Variants in PCNX2 observed in about 807,000 individuals in gnomAD.
PCNX2 encodes the protein pecanex-like protein 2.
In PCNX2, 168 loss-of-function variants were observed where a neutral mutation model predicts 223.8. The ratio of observed to expected loss-of-function variants is 0.75; its 90% CI spans 0.66 to 0.85. The LOEUF (loss-of-function observed/expected upper bound fraction) is 0.85, where lower values mean the gene tolerates loss of function less well. Ranked by LOEUF, PCNX2 falls within the 40% of genes least tolerant of loss-of-function variation. The probability of loss-of-function intolerance (pLI) is 0.00; values close to 1 mark genes in which losing one functional copy is unlikely to be tolerated. For synonymous variants in PCNX2, 1,006 were observed against 1,052.6 expected, an observed-to-expected ratio of 0.96 and a Z score of 0.86; for missense variants, 2,507 against 2,675.5, an observed-to-expected ratio of 0.94 and a Z score of 1.39.
At chr1:233,289,397 G>C in intron 1 of PCNX2, 1 of 1,399,360 alleles carries the variant, frequency 7.1e-7, no homozygotes, top group Non-Finnish European at 1.0e-6. Flanking sequence ...ACTCGAACTC[G>C]TCCGGCTTCT....
At chr1:233,251,496 A>C (rs995840868) in intron 7 of PCNX2, among the ~76,000 whole-genome samples, 1 of 152,154 alleles carries the variant, frequency 6.6e-6, no homozygotes, top group Non-Finnish European at 1.5e-5. Flanking sequence ...AGCATAATTA[A>C]CCTTGTCTGT....
intron 32 of PCNX2, 62 bp downstream of exon 32, chr1:232,998,189 G>A: frequency 1.4e-6 from 2 of 1,409,294 alleles, no homozygotes. Flanking sequence ...ATAACTCAGG[G>A]CATTGGTCAC....
chr1:233,069,998 G>A (rs72762094), intron 23 of PCNX2, among the ~76,000 whole-genome samples: 6,788 of 152,024 alleles, frequency 0.045, 216 homozygotes, highest in Non-Finnish European at 0.066. Flanking sequence ...AAAGAAAAGG[G>A]GAGAGAAAAC....
chr1:233,061,579 T>A lies in PCNX2; in HGVS notation c.4077-4289A>T, dbSNP rs79023280. Among the ~76,000 whole-genome samples, 6 of 152,266 alleles carry A rather than the reference T, an allele frequency of 3.9e-5. No individual in the cohort carries two copies. In the East Asian group the frequency reaches 1.2e-3, roughly 29 times the overall value. On this transcript the variant is annotated intron_variant, in intron 23 of 33. Coordinates refer to ENST00000258229, the MANE Select transcript of PCNX2 (RefSeq NM_014801.4). ...ACAGCTCAGTTTGGCTGTTTCTTTT[T>A]TCAGGTTTGGCAGATGGTCTTGAAT...
chr1:233,153,373 G>A (rs1211955425), intron 19 of PCNX2, among the ~76,000 whole-genome samples: 3 of 152,170 alleles, frequency 2.0e-5, no homozygotes, highest in Non-Finnish European at 2.9e-5. Flanking sequence ...TGACAGATTC[G>A]TCTGTGTGGA....
At chr1:233,136,143 C>T (rs574084784) in intron 20 of PCNX2, among the ~76,000 whole-genome samples, 82 of 152,324 alleles carry the variant, frequency 5.4e-4, no homozygotes, top group African/African-American at 1.9e-3. Context: ...TGAAGACAGA[C>T]ACTGCACATT....
Position 233,210,568 on chromosome 1 carries a change from T to G in PCNX2, c.2692-1879A>C, listed in dbSNP as rs998119513. 31 of 984,890 alleles carry G rather than the reference T, an allele frequency of 3.1e-5. No homozygotes were observed. In the African/African-American group the frequency reaches 5.2e-4, roughly 17 times the overall value. The allele number at this position is 984,890 out of a possible 1,614,324, so 61.0% of individuals were successfully genotyped here. A position where few individuals can be genotyped will look rare whatever the true frequency, so the allele number is the denominator to read the frequency against. ...TGCTGGGATAACAGTTGTGAGCCAC[T>G]GTGCCTGGCCACTACTTCTGTTTGC... On this transcript the variant is annotated intron_variant, in intron 12 of 33. Coordinates refer to ENST00000258229, the MANE Select transcript of PCNX2 (RefSeq NM_014801.4).
intron 17 of PCNX2, among the ~76,000 whole-genome samples, chr1:233,169,244 T>C (rs1301032675): frequency 6.6e-6 from 1 of 152,130 alleles, no homozygotes; most frequent in Non-Finnish European, 1.5e-5. Flanking sequence ...TGTGTGTGTG[T>C]TATTTATTTT....
chr1:233,223,305 G>GT (rs1657503575), intron 10 of PCNX2, among the ~76,000 whole-genome samples: 9 of 152,158 alleles, frequency 5.9e-5, no homozygotes, highest in Non-Finnish European at 1.3e-4. Flanking sequence ...GAGTTTTGAG[G>GT]TTGGGGGAGC....
chr1:233,197,314 T>A lies in PCNX2; in HGVS notation c.3066+1625A>T, dbSNP rs912930816. ...TCCAGAACACAACAGAGCAATATAC[T>A]AAGGTGCCTGCAGAAAAACACCTGT... On this transcript the variant is annotated intron_variant, in intron 15 of 33. Coordinates refer to ENST00000258229, the MANE Select transcript of PCNX2 (RefSeq NM_014801.4). Among the ~76,000 whole-genome samples, 74 of 152,130 alleles carry A rather than the reference T, an allele frequency of 4.9e-4. 2 individuals carry two copies. Among genetic ancestry groups the A allele is most frequent in the South Asian group, 2.1e-4 (1 of 4,828 alleles).
At chr1:233,249,063 G>C (rs143105639) in intron 8 of PCNX2, among the ~76,000 whole-genome samples, 2,042 of 152,316 alleles carry the variant, frequency 0.013, 24 homozygotes, top group South Asian at 0.031. Flanking sequence ...GGTCATGCTA[G>C]AAGAGGCAGA....
chr1:233,151,344 G>A (rs996454283), intron 19 of PCNX2, among the ~76,000 whole-genome samples: 22 of 152,154 alleles, frequency 1.4e-4, no homozygotes, highest in African/African-American at 5.1e-4. Flanking sequence ...TGGCCACACC[G>A]ACTGCAGCTG....
At chr1:233,074,410 C>T (rs866055513) in intron 23 of PCNX2, among the ~76,000 whole-genome samples, 21 of 151,614 alleles carry the variant, frequency 1.4e-4, no homozygotes, top group South Asian at 2.1e-4. Context: ...CCGGCTAAAA[C>T]GGTGAAACCC....
chr1:233,032,913 C>T (rs1671319599), intron 25 of PCNX2: 1 of 881,718 alleles, frequency 1.1e-6, no homozygotes, highest in African/African-American at 1.8e-5. Context: ...CACTCAGGAT[C>T]ATATTAAAAA....
At position 233,054,514 on chromosome 1, in the gene PCNX2, A is replaced by T. The variant is rs529468930; in HGVS notation, c.4136-31T>A. On this transcript the variant is annotated intron_variant, in intron 24 of 33. Coordinates refer to ENST00000258229, the MANE Select transcript of PCNX2 (RefSeq NM_014801.4). ...GGCAGACAAGAAATATGATCAGTGA[A>T]TGCCTACTCCTTGCTGTGTATCCAG... The T allele has an allele frequency of 1.9e-6, 3 of 1,543,634 alleles. No individual in the cohort carries two copies. The African/African-American group carries it at 4.1e-5, about 21-fold the overall frequency.
intron 8 of PCNX2, among the ~76,000 whole-genome samples, chr1:233,249,914 C>T (rs1015547821): frequency 2.6e-5 from 4 of 152,170 alleles, no homozygotes; most frequent in Admixed American, 2.6e-4. Context: ...GACCCCTCCC[C>T]CTGAATTTCC....
chr1:233,318,942 T>C, the PCNX2 span, among the ~76,000 whole-genome samples: 4 of 152,140 alleles, frequency 2.6e-5, no homozygotes, highest in Non-Finnish European at 4.4e-5. Flanking sequence ...TGCAAGACTC[T>C]CTCATACTGA....
chr1:232,999,610 C>A (rs917242825), intron 30 of PCNX2: 3 of 488,242 alleles, frequency 6.1e-6, no homozygotes, highest in Non-Finnish European at 3.6e-6. Flanking sequence ...TGTGCCAACA[C>A]ACCTGGCTAA....
At chr1:233,021,486 C>T in intron 26 of PCNX2, among the ~76,000 whole-genome samples, 1 of 147,258 alleles carries the variant, frequency 6.8e-6, no homozygotes. Context: ...CAGAGTGAGA[C>T]TCTTTCTCAA....
Sources: allele counts gnomAD v4.1 joint callset (sites outside exome capture counted in the v4.1 genomes callset), GRCh38; gene constraint gnomAD v4.1.1; transcripts MANE v1.5; gene names NCBI Gene and HGNC (gene_info 2026-07-23, HGNC 2026-07-21).